Variants in NME9 observed in about 807,000 individuals in gnomAD.
The protein encoded by NME9 is thioredoxin domain-containing protein 6.
A neutral mutation model predicts 44.4 loss-of-function variants in NME9; 48 were observed. The ratio of observed to expected loss-of-function variants is 1.08; its 90% CI spans 0.86 to 1.37. The LOEUF (loss-of-function observed/expected upper bound fraction) is 1.37, where lower values mean the gene tolerates loss of function less well. NME9 is among the 40% of genes most tolerant of loss of function. NME9 has a pLI of 0.00. For synonymous variants in NME9, 139 were observed against 147.1 expected (o/e 0.94, Z 0.40); for missense variants, 325 against 405.2 (o/e 0.80, Z 1.70).
downstream of NME9, among the ~76,000 whole-genome samples, chr3:138,299,801 C>T (rs1197721062): frequency 1.3e-5 from 2 of 152,190 alleles, no homozygotes; most frequent in Admixed American, 1.3e-4. Flanking sequence ...ACCTCATTTT[C>T]CCCTCTCTCC....
At chr3:138,262,244 G>A in exon 9 of NME9, 1 of 268,620 alleles carries the variant, frequency 3.7e-6, no homozygotes, top group East Asian at 7.1e-5. Context: ...AGGAATTTAG[G>A]GGCTAGAGGT....
chr3:138,324,912 C>G lies in NME9; in HGVS notation c.52G>C (p.Glu18Gln), dbSNP rs1172900612. The stretch of plus-strand genomic sequence containing the variant: ...GAACTGAGCATTTCCTCCCAAAGCT[C>G]TTGGGTGCTGATGTTGACCTAAAGC... ...IALQVNISTQ[E>Q]LWEEMLSSKG... is the part of the protein sequence containing the mutation. Residue 18 changes from glutamate (E) to glutamine (Q), a missense_variant, in exon 2 of 11, where the codon GAG becomes CAG. Coordinates refer to ENST00000333911, the MANE Select transcript of NME9 (RefSeq NM_001349018.2). 1 of 1,613,890 alleles carries G rather than the reference C, an allele frequency of 6.2e-7. No individual in the cohort carries two copies.
chr3:138,296,892 AT>A (rs1221447504), downstream of NME9: 29 of 152,220 alleles, frequency 1.9e-4, no homozygotes, highest in African/African-American at 7.0e-4. Flanking sequence ...ATCTGGCCAG[AT>A]TTAGAACCAG....
rs371922186 is a variant in NME9 at position 138,271,190 on chromosome 3, T to G, written c.746-8604A>C. Reference sequence around the variant, plus strand: ...AACAAATCTGTAGTTTCACAGATATTTTTCTCCTGAACTTTGCACAGCTTT... The same window carrying G: ...AACAAATCTGTAGTTTCACAGATATGTTTCTCCTGAACTTTGCACAGCTTT... On this transcript the variant is annotated intron_variant, in intron 8 of 8. Transcript: ENST00000317876. 5.5e-4 allele frequency among the ~76,000 whole-genome samples: 84 copies of G among 152,316 alleles called. No individual in the cohort carries two copies. The South Asian group carries it at 0.017, about 31-fold the overall frequency.
intron 4 of NME9, among the ~76,000 whole-genome samples, chr3:138,317,074 T>G (rs1345338612): frequency 2.6e-5 from 4 of 152,234 alleles, no homozygotes; most frequent in Admixed American, 2.0e-4. Context: ...GATTTATGCT[T>G]TAATTGCTAT....
At chr3:138,269,099 A>G (rs755368889) in intron 8 of NME9, among the ~76,000 whole-genome samples, 24 of 152,380 alleles carry the variant, frequency 1.6e-4, no homozygotes, top group African/African-American at 5.5e-4. Flanking sequence ...TAAATTAACA[A>G]TGGCAAATGT....
At chr3:138,267,370 A>C (rs2048372673) in intron 8 of NME9, 4 of 562,572 alleles carry the variant, frequency 7.1e-6, no homozygotes, top group Non-Finnish European at 1.2e-5. Flanking sequence ...GTTTGATTGC[A>C]TAGCGGTAGG....
chr3:138,294,566 T>C (rs982682853), intron 8 of NME9, among the ~76,000 whole-genome samples: 1 of 152,216 alleles, frequency 6.6e-6, no homozygotes, highest in African/African-American at 2.4e-5. Context: ...AGTATACCAC[T>C]TAAAAAACTG....
At chr3:138,278,790 C>T (rs2049570033) in intron 8 of NME9, among the ~76,000 whole-genome samples, 1 of 151,988 alleles carries the variant, frequency 6.6e-6, no homozygotes, top group Non-Finnish European at 1.5e-5. Context: ...AGATTTATTC[C>T]TATTTCATAT....
intron 5 of NME9, among the ~76,000 whole-genome samples, chr3:138,315,268 G>A (rs946984596): frequency 9.9e-5 from 15 of 152,184 alleles, no homozygotes; most frequent in African/African-American, 3.6e-4. Context: ...TGAATTCATT[G>A]TTAAGAGTTG....
intron 4 of NME9, among the ~76,000 whole-genome samples, chr3:138,316,699 C>G: frequency 6.6e-6 from 1 of 152,142 alleles, no homozygotes; most frequent in Non-Finnish European, 1.5e-5. Context: ...ACTGCAACCT[C>G]CGCCTCCTGG....
chr3:138,263,260 A>G (rs2047931151), intron 8 of NME9, among the ~76,000 whole-genome samples: 1 of 152,254 alleles, frequency 6.6e-6, no homozygotes, highest in African/African-American at 2.4e-5. Context: ...AAAGATGGCA[A>G]GGGTTACTTT....
At chr3:138,318,494 C>T (rs2053249437) in intron 3 of NME9, among the ~76,000 whole-genome samples, 1 of 151,996 alleles carries the variant, frequency 6.6e-6, no homozygotes, top group East Asian at 1.9e-4. Flanking sequence ...TAATGTCCTT[C>T]TGCAGCCATG....
chr3:138,308,964 A>AAAAC (rs1277946618), intron 6 of NME9, among the ~76,000 whole-genome samples: 2 of 150,724 alleles, frequency 1.3e-5, no homozygotes, highest in African/African-American at 4.9e-5. Context: ...AAAAAAAAAA[A>AAAAC]AAAAACTGTC....
In NME9 at chr3:138,301,489, G is replaced by C. The variant is rs191045898; in HGVS notation, c.*151C>G. The C allele has an allele frequency of 2.0e-5, 28 of 1,418,068 alleles. No homozygotes were observed. Among genetic ancestry groups the C allele is most frequent in the Non-Finnish European group, 2.5e-5 (27 of 1,082,940 alleles). 87.8% of individuals were successfully genotyped at this position (1,418,068 alleles called of 1,614,324 possible). On this transcript the variant is annotated 3_prime_UTR_variant, in exon 11 of 11. Coordinates refer to ENST00000333911, the MANE Select transcript of NME9 (RefSeq NM_001349018.2). ...CAAAGTGCTGGGATTACAGGTGTGAGTCACTGCGCCCAGCCATATTATTTT... is the reference window on the plus strand; with the variant it reads ...CAAAGTGCTGGGATTACAGGTGTGACTCACTGCGCCCAGCCATATTATTTT...
chr3:138,322,478 A>C (rs2053528880), intron 2 of NME9, among the ~76,000 whole-genome samples: 3 of 133,722 alleles, frequency 2.2e-5, no homozygotes, highest in Non-Finnish European at 4.8e-5. Flanking sequence ...CAGAGACAAG[A>C]AAAAGGGGTG....
intron 8 of NME9, among the ~76,000 whole-genome samples, chr3:138,284,996 CA>C (rs1193307092): frequency 6.6e-6 from 1 of 152,342 alleles, no homozygotes; most frequent in East Asian, 1.9e-4. Context: ...ATGTGGGTAT[CA>C]AAAAGCCCTC....
intron 8 of NME9, chr3:138,273,136 C>T: frequency 6.3e-7 from 1 of 1,598,840 alleles, no homozygotes. Flanking sequence ...ATCACCCAGG[C>T]TTCCAAATTA....
At chr3:138,324,739 C>T (rs974912694) in intron 2 of NME9, 134 bp downstream of exon 2, 37 of 591,804 alleles carry the variant, frequency 6.3e-5, no homozygotes, top group African/African-American at 3.9e-4. Context: ...CACACACACA[C>T]ATCACCTGGT....
Sources: allele counts gnomAD v4.1 joint callset (sites outside exome capture counted in the v4.1 genomes callset), GRCh38; gene constraint gnomAD v4.1.1; transcripts MANE v1.5; gene names NCBI Gene and HGNC (gene_info 2026-07-23, HGNC 2026-07-21).